The following NPAS3 variants were observed in gnomAD, a reference collection of about 807,000 sequenced individuals.
NPAS3 encodes the protein neuronal PAS domain-containing protein 3.
Under a neutral mutation model 73.1 loss-of-function variants are expected in NPAS3, and 14 were observed. The observed-to-expected ratio is 0.19, with a 90% CI of 0.13 to 0.30. The LOEUF is 0.30. Ranked by LOEUF, NPAS3 falls within the 10% of genes least tolerant of loss-of-function variation. The pLI is 1.00. For synonymous variants in NPAS3, 620 were observed against 541.5 expected (o/e 1.14, Z -2.01); for missense variants, 1,096 against 1,250.0 (o/e 0.88, Z 1.86).
intron 2 of NPAS3, among the ~76,000 whole-genome samples, chr14:33,119,359 T>C (rs2043161363): frequency 6.6e-6 from 1 of 152,000 alleles, no homozygotes; most frequent in South Asian, 2.1e-4. Context: ...ATCCACAACT[T>C]CTCCCTTTCA....
chr14:33,572,945 C>G (rs1020459622), intron 5 of NPAS3, among the ~76,000 whole-genome samples: 1 of 148,458 alleles, frequency 6.7e-6, no homozygotes. Context: ...ATCGCTTAAC[C>G]CCGGGAAGCG....
At chr14:33,697,385 G>T (rs1214346912) in intron 6 of NPAS3, among the ~76,000 whole-genome samples, 1 of 152,192 alleles carries the variant, frequency 6.6e-6, no homozygotes. Context: ...TGATTAGGAT[G>T]ATCACAAGTT....
chr14:32,997,658 C>T (rs1339537914), intron 1 of NPAS3, among the ~76,000 whole-genome samples: 1 of 151,802 alleles, frequency 6.6e-6, no homozygotes, highest in African/African-American at 2.4e-5. Context: ...GGCGCAGTGG[C>T]TCACGCCTGT....
intron 4 of NPAS3, among the ~76,000 whole-genome samples, chr14:33,538,381 T>C (rs576470723): frequency 6.6e-6 from 1 of 152,222 alleles, no homozygotes; most frequent in Admixed American, 6.5e-5. Flanking sequence ...TGCTCTGTTG[T>C]GCTGTTAGCA....
intron 2 of NPAS3, among the ~76,000 whole-genome samples, chr14:33,124,023 G>GA (rs2043334871): frequency 6.6e-6 from 1 of 151,760 alleles, no homozygotes; most frequent in African/African-American, 2.4e-5. Context: ...ACCATGCCTG[G>GA]CTTATTTTTT....
chr14:33,185,505 A>G (rs1229732827), intron 2 of NPAS3, among the ~76,000 whole-genome samples: 1 of 152,140 alleles, frequency 6.6e-6, no homozygotes, highest in African/African-American at 2.4e-5. Context: ...ATTTCCTCCT[A>G]TATTTATATT....
chr14:33,366,322 A>C (rs11622400), intron 3 of NPAS3, among the ~76,000 whole-genome samples: 36,510 of 150,704 alleles, frequency 0.24, 4,669 homozygotes, highest in South Asian at 0.42. Flanking sequence ...TTGGAACCCC[A>C]CGTAAAAAAA....
intron 5 of NPAS3, among the ~76,000 whole-genome samples, chr14:33,597,168 C>G (rs1043448300): frequency 6.6e-6 from 1 of 152,194 alleles, no homozygotes; most frequent in Non-Finnish European, 1.5e-5. Flanking sequence ...TTTCTCTTCC[C>G]CTTCACTAGT....
intron 9 of NPAS3, among the ~76,000 whole-genome samples, chr14:33,790,030 G>A (rs931110902): frequency 1.1e-4 from 17 of 152,288 alleles, no homozygotes; most frequent in African/African-American, 1.7e-4. Context: ...AAGATGCCAG[G>A]TTACATGTTA....
chr14:33,265,383 T>G (rs1001752514), intron 3 of NPAS3, among the ~76,000 whole-genome samples: 9 of 152,232 alleles, frequency 5.9e-5, no homozygotes, highest in Admixed American at 1.3e-4. Context: ...TAAGGAGTCA[T>G]ATTTTCTTCA....
chr14:33,360,691 T>C (rs2045558772), intron 3 of NPAS3, among the ~76,000 whole-genome samples: 1 of 152,144 alleles, frequency 6.6e-6, no homozygotes, highest in Admixed American at 6.5e-5. Context: ...GCAAGTAAAA[T>C]TGGAATGACT....
intron 1 of NPAS3, among the ~76,000 whole-genome samples, chr14:33,027,694 A>G (rs761454798): frequency 2.0e-4 from 30 of 152,188 alleles, no homozygotes; most frequent in Admixed American, 5.9e-4. Flanking sequence ...GTGCTTGGCT[A>G]TAAACAGCTG....
Position 33,385,034 on chromosome 14 carries a change from G to A in NPAS3, c.468+17766G>A, listed in dbSNP as rs114451497. Among the ~76,000 whole-genome samples the A allele has an allele frequency of 4.9e-3, 749 of 152,272 alleles. 9 individuals carry two copies. Among genetic ancestry groups the A allele is most frequent in the African/African-American group, 0.018 (731 of 41,564 alleles). ...CTGGCGCAGGTGAGCAGGAGGACACGTCATTGTGAATTTATTACCAAGCTA... is the reference window on the plus strand; with the variant it reads ...CTGGCGCAGGTGAGCAGGAGGACACATCATTGTGAATTTATTACCAAGCTA... On this transcript the variant is annotated intron_variant, in intron 4 of 11. Transcript: ENST00000356141.
At chr14:33,511,068 A>G (rs182572343) in intron 4 of NPAS3, among the ~76,000 whole-genome samples, 100 of 152,144 alleles carry the variant, frequency 6.6e-4, no homozygotes, top group African/African-American at 2.1e-3. Context: ...CTAGTTTCAT[A>G]GTTCTTTTAC....
In NPAS3 at chr14:33,557,963, C is replaced by T. The variant is rs113897291; in HGVS notation, c.469-2158C>T. ...CAGCCTGGGTGACAGAGCAAGACTC[C>T]GTCTCAAAAAAATAAAAAAAATGTA... is the stretch of plus-strand genomic sequence containing the variant. On this transcript the variant is annotated intron_variant, in intron 4 of 11. Transcript: ENST00000356141. 4.8e-3 allele frequency among the ~76,000 whole-genome samples: 724 copies of T among 151,960 alleles called. 7 individuals are homozygous for T. Among genetic ancestry groups the T allele is most frequent in the African/African-American group, 0.017 (686 of 41,436 alleles).
intron 3 of NPAS3, among the ~76,000 whole-genome samples, chr14:33,245,706 A>G (rs1218100428): frequency 6.6e-6 from 1 of 152,204 alleles, no homozygotes; most frequent in Non-Finnish European, 1.5e-5. Context: ...AACATTTCAC[A>G]GAGTTAAACA....
chr14:33,739,987 A>G (rs201141235), intron 7 of NPAS3, among the ~76,000 whole-genome samples: 7 of 152,128 alleles, frequency 4.6e-5, no homozygotes, highest in East Asian at 1.9e-4. Context: ...CCTAATGCAT[A>G]TAAGTAAAGT....
chr14:33,535,376 G>A (rs1482322863), intron 4 of NPAS3, among the ~76,000 whole-genome samples: 1 of 152,198 alleles, frequency 6.6e-6, no homozygotes, highest in African/African-American at 2.4e-5. Context: ...TAGGACTGCT[G>A]TTAGAAGAGG....
intron 3 of NPAS3, among the ~76,000 whole-genome samples, chr14:33,351,860 A>T (rs377637737): frequency 6.6e-6 from 1 of 152,216 alleles, no homozygotes; most frequent in East Asian, 1.9e-4. Context: ...GAACACATGG[A>T]CCCAGGGAAG....
Sources: gnomAD v4.1 joint callset for allele counts (sites outside exome capture counted in the v4.1 genomes callset) on GRCh38, gnomAD v4.1.1 for gene constraint, MANE v1.5 for transcripts, NCBI Gene and HGNC (gene_info 2026-07-23, HGNC 2026-07-21) for gene names.